CRMP1: variants seen among roughly 807,000 people sequenced by gnomAD.
CRMP1 encodes the protein collapsin response mediator protein 1, also known as dihydropyrimidinase-related protein 1.
Under a neutral mutation model 68.3 loss-of-function variants are expected in CRMP1, and 19 were observed. The ratio of observed to expected loss-of-function variants is 0.28; its 90% CI spans 0.19 to 0.41. The LOEUF (loss-of-function observed/expected upper bound fraction) is 0.41, where lower values mean the gene tolerates loss of function less well. CRMP1 is among the 10% of genes least tolerant of loss of function. CRMP1 has a pLI of 1.00. For missense variants in CRMP1, 791 were observed against 967.4 expected, an observed-to-expected ratio of 0.82 and a Z score of 2.42; for synonymous variants, 439 against 399.6, an observed-to-expected ratio of 1.10 and a Z score of -1.18.
At chr4:5,846,071 A>G (rs1301914937) in intron 6 of CRMP1, among the ~76,000 whole-genome samples, 1 of 152,148 alleles carries the variant, frequency 6.6e-6, no homozygotes, top group African/African-American at 2.4e-5. Context: ...CGAGGCGGGC[A>G]GATCACTTGA....
rs558938442 is a variant in CRMP1, at chr4:5,836,685, C to G, written c.1452+80G>C. 1.2e-4 allele frequency: 189 copies of G among 1,604,336 alleles called. 1 individual carries two copies. The African/African-American group carries it at 2.2e-3, about 19-fold the overall frequency. ...CATGTAAGAAGGGAACTTTTAAGAA[C>G]CCAGCGTGCATAATGCATCGGCTTT... On this transcript the variant is annotated intron_variant, in intron 10 of 13. Coordinates refer to ENST00000324989, the MANE Select transcript of CRMP1 (RefSeq NM_001014809.3).
At chr4:5,822,456 TG>T (rs1718787130) in intron 13 of CRMP1, among the ~76,000 whole-genome samples, 1 of 148,902 alleles carries the variant, frequency 6.7e-6, no homozygotes, top group South Asian at 2.2e-4. Flanking sequence ...CTCCGCAAGC[TG>T]GATTTACTTC....
intron 6 of CRMP1, among the ~76,000 whole-genome samples, chr4:5,845,730 T>C (rs984871167): frequency 6.6e-6 from 1 of 152,192 alleles, no homozygotes. Flanking sequence ...AGAAGTAGGG[T>C]GTTACCATAA....
chr4:5,835,236 T>G (rs534218922), intron 11 of CRMP1, among the ~76,000 whole-genome samples: 3 of 152,194 alleles, frequency 2.0e-5, no homozygotes, highest in Admixed American at 6.5e-5. Context: ...TGTGGCCTCT[T>G]GGGTCTGTGC....
chr4:5,847,715 G>A (rs990184060), intron 6 of CRMP1, among the ~76,000 whole-genome samples: 2 of 152,162 alleles, frequency 1.3e-5, no homozygotes, highest in Admixed American at 6.5e-5. Context: ...ACTGCGCTCT[G>A]GAACTAGAGG....
chr4:5,857,173 C>T (rs931639994), intron 3 of CRMP1, among the ~76,000 whole-genome samples: 1 of 151,592 alleles, frequency 6.6e-6, no homozygotes, highest in Admixed American at 6.6e-5. Flanking sequence ...ACTATCATCA[C>T]CACTATCATT....
chr4:5,848,147 ATT>A (rs200762390), intron 6 of CRMP1, among the ~76,000 whole-genome samples: 23 of 139,246 alleles, frequency 1.7e-4, no homozygotes, highest in African/African-American at 3.9e-4. Flanking sequence ...CCCTGACTTC[ATT>A]TTTTTTTTTT....
chr4:5,875,238 G>A (rs1432683006), intron 1 of CRMP1, among the ~76,000 whole-genome samples: 1 of 152,162 alleles, frequency 6.6e-6, no homozygotes, highest in African/African-American at 2.4e-5. Context: ...GGGAGGTTCT[G>A]GATGACAGTG....
In CRMP1 at chr4:5,861,160, G is replaced by A; in HGVS notation, c.521C>T (p.Ala174Val). The change falls in exon 3 of 14, where the codon GCC becomes GTC. Residue 174 changes from alanine (A) to valine (V), a missense_variant. Physicochemically the swap from Ala to Val is moderately conservative, Grantham distance 64. Coordinates refer to ENST00000324989, the MANE Select transcript of CRMP1 (RefSeq NM_001014809.3). This position sits in a 1 kb window ranked among gnomAD's most constrained non-coding sequence, Gnocchi z 6.0. ...IVPGGVKTIE[A>V]NGRMVIPGGI... ...TCCGGGAATAACCATCCGCCCGTTG[G>A]CTTCAATGGTCTTCACTCCACCAGG... 3 of 1,614,198 alleles carry A rather than the reference G, an allele frequency of 1.9e-6. No individual in the cohort carries two copies. The highest frequency in any genetic ancestry group is 2.5e-6 in the Non-Finnish European group (3 of 1,180,040).
At chr4:5,867,511 G>A (rs1031719532) in intron 1 of CRMP1, among the ~76,000 whole-genome samples, 2 of 152,158 alleles carry the variant, frequency 1.3e-5, no homozygotes, top group Admixed American at 6.5e-5. Flanking sequence ...ACTCCCAGTT[G>A]ACATTCTGAT....
In CRMP1 at chr4:5,838,690, C is replaced by T. The variant is rs528397200; in HGVS notation, c.1310+832G>A. Among the ~76,000 whole-genome samples, 4 of 152,136 alleles carry T rather than the reference C, an allele frequency of 2.6e-5. No individual in the cohort carries two copies. Among genetic ancestry groups the T allele is most frequent in the Non-Finnish European group, 5.9e-5 (4 of 68,018 alleles). On this transcript the variant is annotated intron_variant, in intron 9 of 13. Transcript: ENST00000324989. The surrounding 1 kb of genome is among the most constrained non-coding windows in gnomAD (Gnocchi z 4.9). ...ATTGGACTGCAGATGTTGAGTAAGCCCTTGGCTACGCTAGTCAAAGGTTTC... is the reference window on the plus strand; with the variant it reads ...ATTGGACTGCAGATGTTGAGTAAGCTCTTGGCTACGCTAGTCAAAGGTTTC...
At chr4:5,887,089 AG>A (rs1715644231) in intron 1 of CRMP1, among the ~76,000 whole-genome samples, 1 of 152,200 alleles carries the variant, frequency 6.6e-6, no homozygotes. Context: ...GGAAGCCCTC[AG>A]CCCATGCTCT....
At chr4:5,873,133 G>T (rs994557755) in intron 1 of CRMP1, among the ~76,000 whole-genome samples, 1 of 152,192 alleles carries the variant, frequency 6.6e-6, no homozygotes, top group Non-Finnish European at 1.5e-5. Flanking sequence ...CCCTCAAGGG[G>T]TGCTCAGGCC....
In CRMP1 at chr4:5,825,593, G is replaced by A. The variant is rs372770633; in HGVS notation, c.1870C>T (p.Pro624Ser). The A allele has an allele frequency of 5.0e-6, 8 of 1,602,906 alleles. No individual in the cohort carries two copies. In the African/African-American group the frequency reaches 1.1e-4, roughly 22 times the overall value. Reference sequence around the variant, plus strand: ...GAAGGAGCGGGAGTTGCATATTTGGGTGTAGCTGGTACCTCGTACACAGGA... The same window carrying A: ...GAAGGAGCGGGAGTTGCATATTTGGATGTAGCTGGTACCTCGTACACAGGA... Reference protein sequence around the residue: ...DGPVYEVPATPKYATPAPSAK... With the variant: ...DGPVYEVPATSKYATPAPSAK... The change falls in exon 13 of 14, where the codon CCC (proline) becomes TCC (serine). Residue 624 changes from proline to serine, a missense_variant. By Grantham distance (74) the Pro-to-Ser change is moderately conservative (BLOSUM62 -1). Coordinates refer to ENST00000324989, the MANE Select transcript of CRMP1 (RefSeq NM_001014809.3). The surrounding 1 kb of genome is among the most constrained non-coding windows in gnomAD (Gnocchi z 4.4).
At chr4:5,852,265 C>T (rs752522450) in intron 4 of CRMP1, among the ~76,000 whole-genome samples, 7 of 152,180 alleles carry the variant, frequency 4.6e-5, no homozygotes, top group Non-Finnish European at 8.8e-5. Flanking sequence ...GCACTTGAGA[C>T]GTTACTGCAC....
chr4:5,887,793 G>A, intron 1 of CRMP1: 1 of 990,260 alleles, frequency 1.0e-6, no homozygotes, highest in Non-Finnish European at 1.2e-6. Flanking sequence ...AGCGGGGGAG[G>A]TACCGGGCTG....
At position 5,892,707 on chromosome 4, in the gene CRMP1, A is replaced by G; in HGVS notation, c.263T>C (p.Val88Ala). 1 of 1,227,146 alleles carries G rather than the reference A, an allele frequency of 8.1e-7. No individual in the cohort carries two copies. The highest frequency in any genetic ancestry group is 1.0e-6 in the Non-Finnish European group (1 of 983,638). The allele number at this position is 1,227,146 out of a possible 1,614,324, so 76.0% of individuals were successfully genotyped here. A position where few individuals can be genotyped will look rare whatever the true frequency, so the allele number is the denominator to read the frequency against. The part of the protein sequence containing the change: ...PGGSEDTASD[V>A]SEPSGSAVSS... ...GACCGCGGAGCCCGAGGGCTCGCTC[A>G]CGTCGCTGGCCGTGTCCTCGCTGCC... The change falls in exon 1 of 14, where the codon GTG becomes GCG. Residue 88 changes from valine (V) to alanine (A), a missense_variant. This residue lies in a region of CRMP1 where 193 missense variants were observed against 186.3 expected (regional missense o/e 1.04). Transcript: ENST00000324989. The surrounding 1 kb of genome is among the most constrained non-coding windows in gnomAD (Gnocchi z 8.6).
At chr4:5,857,385 A>G (rs1007075648) in intron 3 of CRMP1, among the ~76,000 whole-genome samples, 1 of 151,650 alleles carries the variant, frequency 6.6e-6, no homozygotes, top group Admixed American at 6.6e-5. Flanking sequence ...TCCTTTTCAT[A>G]ATCACTCCCA....
Position 5,838,890 on chromosome 4 carries a change from G to A in CRMP1, c.1310+632C>T, listed in dbSNP as rs1312142245. Among the ~76,000 whole-genome samples the A allele has an allele frequency of 1.3e-5, 2 of 152,150 alleles. No homozygotes were observed. The highest frequency in any genetic ancestry group is 2.9e-5 in the Non-Finnish European group (2 of 68,038). On this transcript the variant is annotated intron_variant, in intron 9 of 13. Transcript: ENST00000324989. This position sits in a 1 kb window ranked among gnomAD's most constrained non-coding sequence, Gnocchi z 4.9. ...CAGAAAGCCTTCTGCAAGCCTCCCG[G>A]TGGGTTCTGAGCATGCGTCTCTGCT...
Sources: gnomAD v4.1 joint callset for allele counts (sites outside exome capture counted in the v4.1 genomes callset) on GRCh38, gnomAD v4.1.1 for gene constraint, gnomAD v4.1.1 regional missense constraint, Gnocchi (gnomAD v3.1) non-coding constraint, MANE v1.5 for transcripts, NCBI Gene and HGNC (gene_info 2026-07-23, HGNC 2026-07-21) for gene names.